Variants in LSAMP observed in about 807,000 individuals in gnomAD.
The protein encoded by LSAMP is limbic system associated membrane protein.
In LSAMP, 7 loss-of-function variants were observed where a neutral mutation model predicts 38.6. The observed-to-expected ratio is 0.18, with a 90% CI of 0.10 to 0.34. LSAMP has a LOEUF of 0.34. Ranked by LOEUF, LSAMP falls within the 10% of genes least tolerant of loss-of-function variation. The pLI is 1.00. For synonymous variants in LSAMP, 154 were observed against 166.8 expected (o/e 0.92, Z 0.59); for missense variants, 313 against 420.0 (o/e 0.75, Z 2.23).
rs539975657 is a variant in LSAMP at position 116,430,402 on chromosome 3, A to T, written c.155+14475T>A. ...TATCACATAATTATGAAATATAAGTACTAGCAGAGACCTGAGAAATCACCC... is the reference window on the plus strand; with the variant it reads ...TATCACATAATTATGAAATATAAGTTCTAGCAGAGACCTGAGAAATCACCC... On this transcript the variant is annotated intron_variant, in intron 1 of 6. Coordinates refer to ENST00000490035, the MANE Select transcript of LSAMP (RefSeq NM_002338.5). Among the ~76,000 whole-genome samples, 4 of 152,308 alleles carry T rather than the reference A, an allele frequency of 2.6e-5. 1 individual carries two copies. In the South Asian group the frequency reaches 6.2e-4, roughly 24 times the overall value.
intron 1 of LSAMP, among the ~76,000 whole-genome samples, chr3:116,440,393 C>T (rs1476574080): frequency 6.6e-6 from 1 of 152,204 alleles, no homozygotes; most frequent in African/African-American, 2.4e-5. Flanking sequence ...AGGTTTAACC[C>T]TCACCAGTGA....
At chr3:116,330,404 G>C (rs1318202015) in intron 1 of LSAMP, among the ~76,000 whole-genome samples, 1 of 151,932 alleles carries the variant, frequency 6.6e-6, no homozygotes, top group Non-Finnish European at 1.5e-5. Context: ...AGGAATCTTT[G>C]GTCTGATCTC....
intron 2 of LSAMP, among the ~76,000 whole-genome samples, chr3:116,020,158 C>A (rs1940598231): frequency 6.6e-6 from 1 of 152,062 alleles, no homozygotes; most frequent in African/African-American, 2.4e-5. Context: ...GGATTAATCA[C>A]CACAATAGAA....
chr3:116,196,695 C>T lies in LSAMP; in HGVS notation c.156-110139G>A, dbSNP rs193020143. ...TTCCTCCTAGAGACCTGCCTTATCA[C>T]GTGTAGTCAAAATATAAAGCTAGTT... On this transcript the variant is annotated intron_variant, in intron 1 of 6. Transcript: ENST00000490035. 1.6e-4 allele frequency among the ~76,000 whole-genome samples: 24 copies of T among 152,278 alleles called. No homozygotes were observed. The East Asian group carries it at 3.7e-3, about 23-fold the overall frequency.
intron 1 of LSAMP, among the ~76,000 whole-genome samples, chr3:116,116,364 T>G (rs1417965299): frequency 1.3e-5 from 2 of 151,794 alleles, no homozygotes; most frequent in African/African-American, 4.8e-5. Context: ...AGGCATTCCT[T>G]AGGTCTCTGG....
intron 1 of LSAMP, among the ~76,000 whole-genome samples, chr3:116,374,461 C>T (rs1169731888): frequency 6.6e-6 from 1 of 151,788 alleles, no homozygotes; most frequent in African/African-American, 2.4e-5. Context: ...ATTATGACAA[C>T]ATTAACTGCA....
At chr3:116,147,143 A>C (rs573107246) in intron 1 of LSAMP, among the ~76,000 whole-genome samples, 2 of 152,028 alleles carry the variant, frequency 1.3e-5, no homozygotes, top group Non-Finnish European at 2.9e-5. Context: ...CAATTTTTTT[A>C]CACATACCTA....
At chr3:116,377,555 C>T (rs1301489659) in intron 1 of LSAMP, among the ~76,000 whole-genome samples, 2 of 152,002 alleles carry the variant, frequency 1.3e-5, no homozygotes, top group African/African-American at 4.8e-5. Flanking sequence ...ATGCATGTGT[C>T]TCTGTAATAG....
intron 1 of LSAMP, among the ~76,000 whole-genome samples, chr3:116,136,631 C>T (rs1261856463): frequency 6.6e-6 from 1 of 152,084 alleles, no homozygotes; most frequent in Non-Finnish European, 1.5e-5. Context: ...CTCTTTTCTG[C>T]CATTTTTTCC....
intron 1 of LSAMP, among the ~76,000 whole-genome samples, chr3:116,112,747 A>G (rs950559892): frequency 3.3e-5 from 5 of 152,200 alleles, no homozygotes; most frequent in Admixed American, 6.5e-5. Context: ...GTATGAAAAT[A>G]AAATTAGGTG....
At chr3:116,136,151 T>C (rs528882041) in intron 1 of LSAMP, among the ~76,000 whole-genome samples, 1 of 152,294 alleles carries the variant, frequency 6.6e-6, no homozygotes, top group South Asian at 2.1e-4. Context: ...TTCTTTCATA[T>C]ACCTAATATA....
chr3:116,218,906 C>A (rs2046251075), intron 1 of LSAMP, among the ~76,000 whole-genome samples: 1 of 152,168 alleles, frequency 6.6e-6, no homozygotes, highest in Non-Finnish European at 1.5e-5. Flanking sequence ...TATGCCTCTG[C>A]TTTTGAACCC....
At chr3:116,399,855 C>A (rs995601930) in intron 1 of LSAMP, among the ~76,000 whole-genome samples, 1 of 152,184 alleles carries the variant, frequency 6.6e-6, no homozygotes, top group Non-Finnish European at 1.5e-5. Flanking sequence ...GTCTTCAGCT[C>A]ACTTATGTAG....
chr3:115,810,225 C>CTCTCTCTCTCTCTCTCTG lies in LSAMP; in HGVS notation c.*91_*92insCAGAGAGAGAGAGAGAGA. 1.4e-6 allele frequency: 1 copy of CTCTCTCTCTCTCTCTCTG among 691,062 alleles called. No individual in the cohort carries two copies. The highest frequency in any genetic ancestry group is 2.3e-6 in the Non-Finnish European group (1 of 443,186). 42.8% of individuals were successfully genotyped at this position (691,062 alleles called of 1,614,324 possible). ...GTGAAATAAACGGTCTCCCCCATCT[C>CTCTCTCTCTCTCTCTCTG]TCTCTCTCTCTCTCTCTCTGTCTCT... On this transcript the variant is annotated 3_prime_UTR_variant, in exon 7 of 7. Coordinates refer to ENST00000490035, the MANE Select transcript of LSAMP (RefSeq NM_002338.5).
chr3:116,005,010 T>G (rs923301342), intron 3 of LSAMP, among the ~76,000 whole-genome samples: 2 of 152,170 alleles, frequency 1.3e-5, no homozygotes, highest in African/African-American at 2.4e-5. Flanking sequence ...GAAACTAATG[T>G]GACTGTTCTA....
chr3:116,327,029 C>T (rs2047782862), intron 1 of LSAMP, among the ~76,000 whole-genome samples: 1 of 152,108 alleles, frequency 6.6e-6, no homozygotes, highest in Non-Finnish European at 1.5e-5. Flanking sequence ...CCCAAACTTC[C>T]AGTTAGGTTT....
chr3:116,322,597 A>G (rs929547265), intron 1 of LSAMP, among the ~76,000 whole-genome samples: 2 of 152,130 alleles, frequency 1.3e-5, no homozygotes, highest in African/African-American at 2.4e-5. Context: ...CAGGTCTCAC[A>G]TATTTGGGCA....
At chr3:116,398,130 TA>T (rs1207365850) in intron 1 of LSAMP, among the ~76,000 whole-genome samples, 3 of 151,892 alleles carry the variant, frequency 2.0e-5, no homozygotes, top group African/African-American at 7.3e-5. Flanking sequence ...GAAAAGCAAA[TA>T]AAAAAACTTC....
intron 1 of LSAMP, among the ~76,000 whole-genome samples, chr3:116,350,020 G>A (rs903679331): frequency 1.3e-5 from 2 of 152,056 alleles, no homozygotes. Context: ...TGTTGGGGAT[G>A]TAAAGCTGGA....
Sources: allele counts gnomAD v4.1 joint callset (sites outside exome capture counted in the v4.1 genomes callset), GRCh38; gene constraint gnomAD v4.1.1; transcripts MANE v1.5; gene names NCBI Gene and HGNC (gene_info 2026-07-23, HGNC 2026-07-21).